Variants in LCE2C observed in about 807,000 individuals in gnomAD.
The protein encoded by LCE2C is late cornified envelope 2C, also known as late cornified envelope protein 2C.
For synonymous variants in LCE2C, 57 were observed against 51.0 expected, an observed-to-expected ratio of 1.12 and a Z score of -0.50; for missense variants, 179 against 141.3, an observed-to-expected ratio of 1.27 and a Z score of -1.35.
chr1:152,676,218 C>T lies in LCE2C; in HGVS notation c.203C>T (p.Ala68Val). The T allele has an allele frequency of 6.2e-7, 1 of 1,613,908 alleles. No homozygotes were observed. ...TCTGGGGGCTGCTGCAGCTCTGGGG[C>T]TGGTGGCTGCTCCCTGAGCCACCAC... Reference protein sequence around the residue: ...PSSGGCCSSGAGGCSLSHHRP... With the variant: ...PSSGGCCSSGVGGCSLSHHRP... Residue 68 changes from alanine to valine, a missense_variant, in exon 2 of 2, where the codon GCT (alanine) becomes GTT (valine). Transcript: ENST00000368783.
At chr1:152,675,596 T>C (rs977809471) in intron 1 of LCE2C, among the ~76,000 whole-genome samples, 1 of 152,202 alleles carries the variant, frequency 6.6e-6, no homozygotes, top group African/African-American at 2.4e-5. Context: ...ATTTACACCA[T>C]GGAAACTGGC....
At chr1:152,675,832 C>T (rs766848017) in intron 1 of LCE2C, among the ~76,000 whole-genome samples, 163 bp from the exon 2 acceptor site, 9 of 152,272 alleles carry the variant, frequency 5.9e-5, no homozygotes, top group East Asian at 1.9e-4. Flanking sequence ...TTTTTATCTA[C>T]GTACTTTTAT....
Position 152,676,365 on chromosome 1 carries a change from G to A in LCE2C, c.*17G>A, listed in dbSNP as rs1648854009. ...TGCTGCTGACCTGGGCTACAGAAGA[G>A]CTCTTGGGACTGAATGGCCAAGAAC... On this transcript the variant is annotated 3_prime_UTR_variant, in exon 2 of 2. Coordinates refer to ENST00000368783, the MANE Select transcript of LCE2C (RefSeq NM_178429.5). 1 of 1,595,398 alleles carries A rather than the reference G, an allele frequency of 6.3e-7. No homozygotes were observed. Among genetic ancestry groups the A allele is most frequent in the African/African-American group, 1.3e-5 (1 of 74,128 alleles).
intron 1 of LCE2C, among the ~76,000 whole-genome samples, 199 bp downstream of exon 1, chr1:152,675,527 T>C (rs1017575104): frequency 6.6e-6 from 1 of 152,234 alleles, no homozygotes; most frequent in Non-Finnish European, 1.5e-5. Flanking sequence ...TGCACATCTT[T>C]TCCAATTCTG....
At chr1:152,675,924 A>G in intron 1 of LCE2C, 71 bp from the exon 2 acceptor site, 1 of 1,466,798 alleles carries the variant, frequency 6.8e-7, no homozygotes, top group Non-Finnish European at 9.3e-7. Context: ...CTACACATGC[A>G]TTGATTTTAG....
chr1:152,676,245 G>A lies in LCE2C; in HGVS notation c.230G>A (p.Arg77Lys). 1 of 1,613,920 alleles carries A rather than the reference G, an allele frequency of 6.2e-7. No homozygotes were observed. Among genetic ancestry groups the A allele is most frequent in the Non-Finnish European group, 8.5e-7 (1 of 1,179,974 alleles). Residue 77 changes from arginine to lysine, a missense_variant, in exon 2 of 2, where the codon AGG (arginine) becomes AAG (lysine). Transcript: ENST00000368783. ...GGTGGCTGCTCCCTGAGCCACCACA[G>A]GCCCCGTCTCTTCCACCGGCGCCGG... ...GAGGCSLSHHRPRLFHRRRHQ... is the reference protein window; with the variant it reads ...GAGGCSLSHHKPRLFHRRRHQ...
Position 152,676,469 on chromosome 1 carries a change from G to C in LCE2C, c.*121G>C. The C allele has an allele frequency of 7.1e-7, 1 of 1,409,452 alleles. No homozygotes were observed. Among genetic ancestry groups the C allele is most frequent in the East Asian group, 2.4e-5 (1 of 42,234 alleles). 87.3% of individuals were successfully genotyped at this position (1,409,452 alleles called of 1,614,324 possible). On this transcript the variant is annotated 3_prime_UTR_variant, in exon 2 of 2. Coordinates refer to ENST00000368783, the MANE Select transcript of LCE2C (RefSeq NM_178429.5). ...TGGCAGAGACCACAAAGACTCATGGGGCTTTCCTGGAAGAACTTCGTGCTT... is the reference window on the plus strand; with the variant it reads ...TGGCAGAGACCACAAAGACTCATGGCGCTTTCCTGGAAGAACTTCGTGCTT...
chr1:152,675,814 C>T (rs1648830852), intron 1 of LCE2C, among the ~76,000 whole-genome samples, 181 bp from the exon 2 acceptor site: 1 of 152,130 alleles, frequency 6.6e-6, no homozygotes, highest in African/African-American at 2.4e-5. Flanking sequence ...GAAGCTCATT[C>T]TGTTGATTTT....
Position 152,676,135 on chromosome 1 carries a change from T to G in LCE2C, c.120T>G (p.Cys40Trp). The G allele has an allele frequency of 3.1e-6, 5 of 1,614,182 alleles. No homozygotes were observed. The highest frequency in any genetic ancestry group is 4.2e-6 in the Non-Finnish European group (5 of 1,180,026). ...PKCPPQCPAP[C>W]FPAVSSCCGP... is the part of the protein sequence containing the mutation. ...GCCCACCACAGTGCCCAGCTCCATG[T>G]TTCCCTGCAGTCTCTTCTTGCTGTG... The change falls in exon 2 of 2, where the codon TGT becomes TGG. Residue 40 changes from cysteine (C) to tryptophan (W), a missense_variant. Physicochemically the swap from Cys to Trp is radical, Grantham distance 215. Coordinates refer to ENST00000368783, the MANE Select transcript of LCE2C (RefSeq NM_178429.5).
In LCE2C at chr1:152,676,393, G is replaced by C; in HGVS notation, c.*45G>C. ...CTTGGGACTGAATGGCCAAGAACCT[G>C]CTACGGCCTGATGGATACTCTTTCC... On this transcript the variant is annotated 3_prime_UTR_variant, in exon 2 of 2. Transcript: ENST00000368783. 1 of 1,551,878 alleles carries C rather than the reference G, an allele frequency of 6.4e-7. No individual in the cohort carries two copies. The highest frequency in any genetic ancestry group is 8.7e-7 in the Non-Finnish European group (1 of 1,153,280).
chr1:152,676,214 G>C lies in LCE2C; in HGVS notation c.199G>C (p.Gly67Arg). 2 of 1,614,056 alleles carry C rather than the reference G, an allele frequency of 1.2e-6. No homozygotes were observed. The highest frequency in any genetic ancestry group is 8.5e-7 in the Non-Finnish European group (1 of 1,180,020). Residue 67 changes from glycine to arginine, a missense_variant, in exon 2 of 2, where the codon GGG (glycine) becomes CGG (arginine). Transcript: ENST00000368783. ...CAGCTCTGGGGGCTGCTGCAGCTCTGGGGCTGGTGGCTGCTCCCTGAGCCA... is the reference window on the plus strand; with the variant it reads ...CAGCTCTGGGGGCTGCTGCAGCTCTCGGGCTGGTGGCTGCTCCCTGAGCCA... ...GPSSGGCCSS[G>R]AGGCSLSHHR...
Position 152,676,021 on chromosome 1 carries a change from T to C in LCE2C, c.6T>C (p.Ser2=), listed in dbSNP as rs2101501054. Residue 2 remains serine (S), a synonymous_variant, in exon 2 of 2, where the codon TCT becomes TCC. Transcript: ENST00000368783. M[S]CQQNQQQCQP... is the part of the protein sequence containing the mutation. Reference sequence around the variant, plus strand: ...TTGACTAAACTCCTGCCAGCATGTCTTGCCAGCAAAACCAGCAGCAGTGCC... The same window carrying C: ...TTGACTAAACTCCTGCCAGCATGTCCTGCCAGCAAAACCAGCAGCAGTGCC... 1 of 1,614,192 alleles carries C rather than the reference T, an allele frequency of 6.2e-7. No individual in the cohort carries two copies. The highest frequency in any genetic ancestry group is 2.2e-5 in the East Asian group (1 of 44,884).
Position 152,676,543 on chromosome 1 carries a change from T to A in LCE2C, c.*195T>A. On this transcript the variant is annotated 3_prime_UTR_variant, in exon 2 of 2. Coordinates refer to ENST00000368783, the MANE Select transcript of LCE2C (RefSeq NM_178429.5). ...CTTCTTTTCCTCCTTTACCTCATGT[T>A]ATAATAAAGCTCTGATCTCTGACTC... 1 of 698,554 alleles carries A rather than the reference T, an allele frequency of 1.4e-6. No homozygotes were observed. The highest frequency in any genetic ancestry group is 2.8e-5 in the East Asian group (1 of 35,954). The allele number at this position is 698,554 out of a possible 1,614,324, so 43.3% of individuals were successfully genotyped here.
rs1390615279 is a variant in LCE2C, at chr1:152,676,187, C to A, written c.172C>A (p.Pro58Thr). 1 of 1,613,976 alleles carries A rather than the reference C, an allele frequency of 6.2e-7. No individual in the cohort carries two copies. The highest frequency in any genetic ancestry group is 1.3e-5 in the African/African-American group (1 of 74,928). ...CGPSSGSCCGPSSGGCCSSGA... is the reference protein window; with the variant it reads ...CGPSSGSCCGTSSGGCCSSGA... Reference sequence around the variant, plus strand: ...TCCCAGCTCTGGGAGCTGCTGTGGTCCCAGCTCTGGGGGCTGCTGCAGCTC... The same window carrying A: ...TCCCAGCTCTGGGAGCTGCTGTGGTACCAGCTCTGGGGGCTGCTGCAGCTC... The change falls in exon 2 of 2, where the codon CCC (proline) becomes ACC (threonine). Residue 58 changes from proline to threonine, a missense_variant. By Grantham distance (38) the Pro-to-Thr change is conservative. Transcript: ENST00000368783.
At position 152,676,448 on chromosome 1, in the gene LCE2C, A is replaced by C. The variant is rs1016257606; in HGVS notation, c.*100A>C. 15 of 1,496,436 alleles carry C rather than the reference A, an allele frequency of 1.0e-5. No individual in the cohort carries two copies. Among genetic ancestry groups the C allele is most frequent in the Admixed American group, 4.6e-5 (2 of 43,026 alleles). 92.7% of individuals were successfully genotyped at this position (1,496,436 alleles called of 1,614,324 possible). A position where few individuals can be genotyped will look rare whatever the true frequency, so the allele number is the denominator to read the frequency against. ...CCTCTCATTCCATTCATTGGTTGGCAGAGACCACAAAGACTCATGGGGCTT... is the reference window on the plus strand; with the variant it reads ...CCTCTCATTCCATTCATTGGTTGGCCGAGACCACAAAGACTCATGGGGCTT... On this transcript the variant is annotated 3_prime_UTR_variant, in exon 2 of 2. Coordinates refer to ENST00000368783, the MANE Select transcript of LCE2C (RefSeq NM_178429.5).
At chr1:152,675,925 T>C in intron 1 of LCE2C, 70 bp from the exon 2 acceptor site, 14 of 1,469,986 alleles carry the variant, frequency 9.5e-6, no homozygotes, top group Non-Finnish European at 1.2e-5. Flanking sequence ...TACACATGCA[T>C]TGATTTTAGA....
rs777666120 is a variant in LCE2C at position 152,676,268 on chromosome 1, C to T, written c.253C>T (p.Arg85Trp). The change falls in exon 2 of 2, where the codon CGG becomes TGG. Residue 85 changes from arginine (R) to tryptophan (W), a missense_variant. Physicochemically the swap from Arg to Trp is moderately radical, Grantham distance 101 (BLOSUM62 -3). Transcript: ENST00000368783. The stretch of plus-strand genomic sequence containing the variant: ...CAGGCCCCGTCTCTTCCACCGGCGC[C>T]GGCACCAGAGCCCCGACTGCTGTGA... ...HHRPRLFHRR[R>W]HQSPDCCESE... The T allele has an allele frequency of 6.0e-5, 97 of 1,613,788 alleles. No individual in the cohort carries two copies. Among genetic ancestry groups the T allele is most frequent in the Middle Eastern group, 1.7e-4 (1 of 6,056 alleles).
Position 152,676,227 on chromosome 1 carries a change from G to T in LCE2C, c.212G>T (p.Cys71Phe). Residue 71 changes from cysteine to phenylalanine, a missense_variant, in exon 2 of 2, where the codon TGC becomes TTC. Transcript: ENST00000368783. ...GGCCSSGAGG[C>F]SLSHHRPRLF... ...TGCTGCAGCTCTGGGGCTGGTGGCTGCTCCCTGAGCCACCACAGGCCCCGT... is the reference window on the plus strand; with the variant it reads ...TGCTGCAGCTCTGGGGCTGGTGGCTTCTCCCTGAGCCACCACAGGCCCCGT... The T allele has an allele frequency of 1.2e-6, 2 of 1,614,042 alleles. No individual in the cohort carries two copies. Among genetic ancestry groups the T allele is most frequent in the Non-Finnish European group, 1.7e-6 (2 of 1,180,016 alleles).
In LCE2C at chr1:152,676,353, G is replaced by A; in HGVS notation, c.*5G>A. 1 of 1,603,856 alleles carries A rather than the reference G, an allele frequency of 6.2e-7. No homozygotes were observed. The highest frequency in any genetic ancestry group is 8.5e-7 in the Non-Finnish European group (1 of 1,175,584). ...AGCTCTGGGGGCTGCTGCTGACCTG[G>A]GCTACAGAAGAGCTCTTGGGACTGA... On this transcript the variant is annotated 3_prime_UTR_variant, in exon 2 of 2. Coordinates refer to ENST00000368783, the MANE Select transcript of LCE2C (RefSeq NM_178429.5).
Sources: gnomAD v4.1 joint callset for allele counts (sites outside exome capture counted in the v4.1 genomes callset) on GRCh38, gnomAD v4.1.1 for gene constraint, MANE v1.5 for transcripts, NCBI Gene and HGNC (gene_info 2026-07-23, HGNC 2026-07-21) for gene names.